The following NADK2 variants were observed in gnomAD, a reference collection of about 807,000 sequenced individuals.
NADK2 encodes the protein NAD kinase domain-containing protein 1, mitochondrial.
A neutral mutation model predicts 62.1 loss-of-function variants in NADK2; 35 were observed. The ratio of observed to expected loss-of-function variants is 0.56; its 90% CI spans 0.43 to 0.75. NADK2 has a LOEUF of 0.75. Ranked by LOEUF, NADK2 falls within the 30% of genes least tolerant of loss-of-function variation. The pLI, the probability that NADK2 is intolerant of heterozygous loss-of-function variation, is 0.00. For missense variants in NADK2, 439 were observed against 561.3 expected, an observed-to-expected ratio of 0.78 and a Z score of 2.20; for synonymous variants, 205 against 207.9, an observed-to-expected ratio of 0.99 and a Z score of 0.12.
At chr5:36,203,053 C>A (rs534925172) in intron 8 of NADK2, among the ~76,000 whole-genome samples, 1 of 152,170 alleles carries the variant, frequency 6.6e-6, no homozygotes, top group East Asian at 1.9e-4. Flanking sequence ...AATAGACTAT[C>A]CTAATATTTT....
intron 4 of NADK2, 64 bp from the exon 5 acceptor site, chr5:36,219,743 A>T: frequency 8.0e-7 from 1 of 1,249,210 alleles, no homozygotes; most frequent in Non-Finnish European, 1.2e-6. Flanking sequence ...AAGCAAAAAA[A>T]TTTAATCAAA....
At chr5:36,218,729 T>C (rs1004832104) in intron 5 of NADK2, among the ~76,000 whole-genome samples, 5 of 152,202 alleles carry the variant, frequency 3.3e-5, no homozygotes, top group African/African-American at 1.2e-4. Flanking sequence ...TTCCTCCACC[T>C]TCCTCTTTTC....
intron 8 of NADK2, among the ~76,000 whole-genome samples, chr5:36,206,256 A>G (rs1041923420): frequency 1.3e-5 from 2 of 151,318 alleles, no homozygotes. Context: ...ACAAACCTGC[A>G]TGTTGTGCAC....
chr5:36,218,049 G>A, intron 5 of NADK2, 165 bp from the exon 6 acceptor site: 1 of 563,714 alleles, frequency 1.8e-6, no homozygotes, highest in Non-Finnish European at 3.0e-6. Context: ...CCTTATCAAT[G>A]ACAGATTTGA....
chr5:36,230,670 G>T (rs1010882281), intron 1 of NADK2, among the ~76,000 whole-genome samples: 14 of 152,222 alleles, frequency 9.2e-5, no homozygotes, highest in African/African-American at 2.9e-4. Context: ...TGACAACAGT[G>T]TGCAAACCAA....
chr5:36,232,347 GGAGTT>G (rs1254674201), intron 1 of NADK2, among the ~76,000 whole-genome samples: 1 of 152,118 alleles, frequency 6.6e-6, no homozygotes, highest in African/African-American at 2.4e-5. Flanking sequence ...AATAAGGGAA[GGAGTT>G]AAGTTTTTTT....
In NADK2 at chr5:36,241,855, C is replaced by T; in HGVS notation, c.-57G>A. 1.7e-6 allele frequency: 2 copies of T among 1,180,432 alleles called. No individual in the cohort carries two copies. The highest frequency in any genetic ancestry group is 2.7e-5 in the South Asian group (1 of 36,610). The allele number at this position is 1,180,432 out of a possible 1,614,324, so 73.1% of individuals were successfully genotyped here. On this transcript the variant is annotated 5_prime_UTR_variant, in exon 1 of 12. Coordinates refer to ENST00000381937, the MANE Select transcript of NADK2 (RefSeq NM_001085411.3). The surrounding 1 kb of genome is among the most constrained non-coding windows in gnomAD (Gnocchi z 4.9). ...TCGGGCCCCTTGCCTCAGCTCCCTA[C>T]CGCCGGGAGTGCGCGCCGTCCGCGC...
At chr5:36,222,970 A>G (rs1318458539) in intron 4 of NADK2, among the ~76,000 whole-genome samples, 3 of 152,226 alleles carry the variant, frequency 2.0e-5, no homozygotes, top group East Asian at 3.9e-4. Context: ...AGTAGAGGCC[A>G]GTGTGGCTAG....
intron 4 of NADK2, among the ~76,000 whole-genome samples, chr5:36,219,895 C>T (rs1448281547): frequency 2.0e-5 from 3 of 152,048 alleles, no homozygotes; most frequent in Non-Finnish European, 4.4e-5. Flanking sequence ...AGCTTTAATG[C>T]CATAATACAT....
intron 11 of NADK2, 29 bp downstream of exon 11, chr5:36,197,512 C>T: frequency 1.9e-6 from 3 of 1,611,394 alleles, no homozygotes; most frequent in Non-Finnish European, 2.5e-6. Flanking sequence ...GGGATGAAAA[C>T]AGTCAGAAGT....
chr5:36,233,828 C>G (rs943933752), intron 1 of NADK2, among the ~76,000 whole-genome samples: 33 of 152,264 alleles, frequency 2.2e-4, no homozygotes, highest in African/African-American at 7.7e-4. Flanking sequence ...TCACGCAAGT[C>G]TTGCTGTTCT....
At position 36,192,765 on chromosome 5, in the gene NADK2, G is replaced by C. The variant is rs912270001; in HGVS notation, c.*2379C>G. 1 of 152,116 alleles carries C rather than the reference G, an allele frequency of 6.6e-6. No homozygotes were observed. Among genetic ancestry groups the C allele is most frequent in the African/African-American group, 2.4e-5 (1 of 41,416 alleles). 9.4% of individuals were successfully genotyped at this position (152,116 alleles called of 1,614,324 possible). A position where few individuals can be genotyped will look rare whatever the true frequency, so the allele number is the denominator to read the frequency against. ...ATGTTAACAGTGAATGAAGTCAACA[G>C]GGCACAGAATAATAATACACAGCAG... On this transcript the variant is annotated 3_prime_UTR_variant, in exon 12 of 12. Transcript: ENST00000381937.
chr5:36,241,637 C>G lies in NADK2; in HGVS notation c.162G>C (p.Glu54Asp). The G allele has an allele frequency of 6.9e-7, 1 of 1,453,194 alleles. No individual in the cohort carries two copies. The highest frequency in any genetic ancestry group is 9.0e-7 in the Non-Finnish European group (1 of 1,106,670). 90.0% of individuals were successfully genotyped at this position (1,453,194 alleles called of 1,614,324 possible). ...RRHLGQGQPR[E>D]LAGCGSRADG... The stretch of plus-strand genomic sequence containing the variant: ...CCGCGCGGCTGCCACAGCCCGCCAG[C>G]TCGCGCGGCTGCCCCTGCCCCAGGT... Residue 54 changes from glutamate (E) to aspartate (D), a missense_variant, in exon 1 of 12, where the codon GAG becomes GAC. Transcript: ENST00000381937. This position sits in a 1 kb window ranked among gnomAD's most constrained non-coding sequence, Gnocchi z 4.9.
At chr5:36,212,689 C>T (rs1217015518) in intron 6 of NADK2, among the ~76,000 whole-genome samples, 1 of 152,156 alleles carries the variant, frequency 6.6e-6, no homozygotes, top group Non-Finnish European at 1.5e-5. Flanking sequence ...ACTCAAGTAT[C>T]TCCCACTAGG....
chr5:36,232,440 GCAC>G (rs1164295431), intron 1 of NADK2, among the ~76,000 whole-genome samples: 7 of 151,896 alleles, frequency 4.6e-5, no homozygotes, highest in Non-Finnish European at 1.0e-4. Context: ...CATAATTTAG[GCAC>G]CCTTAAAAGC....
intron 8 of NADK2, among the ~76,000 whole-genome samples, 194 bp from the exon 9 acceptor site, chr5:36,201,355 C>A (rs1746440839): frequency 6.6e-6 from 1 of 151,926 alleles, no homozygotes; most frequent in South Asian, 2.1e-4. Flanking sequence ...TTGATGGGAA[C>A]AGAGATATTG....
At chr5:36,221,679 T>C (rs1007769028) in intron 4 of NADK2, 4 of 152,042 alleles carry the variant, frequency 2.6e-5, no homozygotes, top group African/African-American at 9.7e-5. Context: ...AGCTAGAAAA[T>C]AGAGAAGAGA....
At position 36,225,046 on chromosome 5, in the gene NADK2, C is replaced by T. The variant is rs116786422; in HGVS notation, c.560+496G>A. ...CAATACCAAAGGTCCCCAACACTCA[C>T]CTGGGTCAAGAACTCAGGTCTATTA... On this transcript the variant is annotated intron_variant, in intron 4 of 11. Coordinates refer to ENST00000381937, the MANE Select transcript of NADK2 (RefSeq NM_001085411.3). 5.5e-3 allele frequency among the ~76,000 whole-genome samples: 844 copies of T among 152,232 alleles called. 7 individuals carry two copies. Among genetic ancestry groups the T allele is most frequent in the African/African-American group, 0.019 (780 of 41,550 alleles).
At chr5:36,199,325 T>A (rs930570617) in intron 10 of NADK2, among the ~76,000 whole-genome samples, 1 of 152,076 alleles carries the variant, frequency 6.6e-6, no homozygotes, top group Non-Finnish European at 1.5e-5. Context: ...GTCTTACATG[T>A]GTCAATATTC....
Sources: allele counts gnomAD v4.1 joint callset (sites outside exome capture counted in the v4.1 genomes callset), GRCh38; gene constraint gnomAD v4.1.1; non-coding constraint Gnocchi (gnomAD v3.1); transcripts MANE v1.5; gene names NCBI Gene and HGNC (gene_info 2026-07-23, HGNC 2026-07-21).